Variants in GPR39 observed in about 807,000 individuals in gnomAD.
GPR39 encodes the protein G protein-coupled receptor 39.
A neutral mutation model predicts 18.4 loss-of-function variants in GPR39; 23 were observed. That is an observed-to-expected ratio of 1.25 (90% CI 0.90 to 1.77). The LOEUF (loss-of-function observed/expected upper bound fraction) is 1.77. GPR39 is among the 40% of genes most tolerant of loss of function. The pLI is 0.00. For synonymous variants in GPR39, 280 were observed against 257.9 expected (o/e 1.09, Z -0.82); for missense variants, 647 against 602.4 (o/e 1.07, Z -0.78).
At chr2:132,520,299 A>G (rs1160352361) in intron 1 of GPR39, among the ~76,000 whole-genome samples, 4 of 152,302 alleles carry the variant, frequency 2.6e-5, no homozygotes, top group Admixed American at 1.3e-4. Flanking sequence ...ATGCACATCA[A>G]TCATAATGCC....
chr2:132,549,522 C>T (rs1558835804), intron 1 of GPR39, among the ~76,000 whole-genome samples: 2 of 152,204 alleles, frequency 1.3e-5, no homozygotes, highest in Non-Finnish European at 2.9e-5. Context: ...GGCACGGTGG[C>T]TCACGCCTGT....
intron 1 of GPR39, among the ~76,000 whole-genome samples, chr2:132,473,278 G>T (rs116542710): frequency 0.019 from 2,911 of 152,200 alleles, 95 homozygotes; most frequent in African/African-American, 0.067. Context: ...CACTGATTTG[G>T]CAGGTCCTAA....
intron 1 of GPR39, among the ~76,000 whole-genome samples, chr2:132,453,965 C>A (rs1680675618): frequency 6.6e-6 from 1 of 152,130 alleles, no homozygotes; most frequent in African/African-American, 2.4e-5. Context: ...GCAATGTGGG[C>A]TCTTTTTTGG....
At chr2:132,618,945 A>G (rs1169831811) in intron 1 of GPR39, among the ~76,000 whole-genome samples, 2 of 152,208 alleles carry the variant, frequency 1.3e-5, no homozygotes, top group African/African-American at 4.8e-5. Context: ...AGTTTGTGGC[A>G]GAAATAAACG....
chr2:132,590,818 C>CGTGTGT (rs3066458), intron 1 of GPR39, among the ~76,000 whole-genome samples: 6,965 of 143,944 alleles, frequency 0.048, 183 homozygotes, highest in Middle Eastern at 0.082. Context: ...AAGTATTGTT[C>CGTGTGT]GTGTGTGTGT....
chr2:132,530,449 G>T (rs1679594105), intron 1 of GPR39, among the ~76,000 whole-genome samples: 1 of 152,166 alleles, frequency 6.6e-6, no homozygotes. Flanking sequence ...TTATCCAGGA[G>T]AACTTCCCCA....
intron 1 of GPR39, among the ~76,000 whole-genome samples, chr2:132,543,388 T>C: frequency 6.6e-6 from 1 of 152,210 alleles, no homozygotes; most frequent in East Asian, 1.9e-4. Flanking sequence ...GCAAGTCCCC[T>C]ATGCAAGTTC....
intron 1 of GPR39, among the ~76,000 whole-genome samples, chr2:132,460,146 G>T (rs1426822161): frequency 6.6e-6 from 1 of 152,184 alleles, no homozygotes; most frequent in East Asian, 1.9e-4. Flanking sequence ...CTAGCAATAT[G>T]TCTCCTCATC....
At chr2:132,501,958 G>A (rs953650927) in intron 1 of GPR39, among the ~76,000 whole-genome samples, 6 of 152,026 alleles carry the variant, frequency 3.9e-5, no homozygotes, top group African/African-American at 1.2e-4. Flanking sequence ...ACCTTAAGTT[G>A]ATGTGAGTAC....
At chr2:132,533,081 G>T (rs1408695422) in intron 1 of GPR39, among the ~76,000 whole-genome samples, 1 of 152,030 alleles carries the variant, frequency 6.6e-6, no homozygotes, top group Admixed American at 6.6e-5. Context: ...TGACATGATT[G>T]TATATCTAGA....
chr2:132,553,649 G>C (rs1680096126), intron 1 of GPR39, among the ~76,000 whole-genome samples: 1 of 152,070 alleles, frequency 6.6e-6, no homozygotes, highest in Non-Finnish European at 1.5e-5. Context: ...GGGGTGTGCA[G>C]GGGCAGGCAC....
chr2:132,606,812 G>A (rs1237372270), intron 1 of GPR39, among the ~76,000 whole-genome samples: 1 of 152,176 alleles, frequency 6.6e-6, no homozygotes, highest in Non-Finnish European at 1.5e-5. Flanking sequence ...GAGCGGGAAG[G>A]TGGTCTTCCC....
chr2:132,642,592 G>A (rs1681875643), intron 1 of GPR39, among the ~76,000 whole-genome samples: 1 of 152,200 alleles, frequency 6.6e-6, no homozygotes, highest in Non-Finnish European at 1.5e-5. Flanking sequence ...GAGGAGCAAA[G>A]ACAGGGCAGA....
chr2:132,610,926 G>C (rs1573697119), intron 1 of GPR39, among the ~76,000 whole-genome samples: 1 of 152,230 alleles, frequency 6.6e-6, no homozygotes, highest in South Asian at 2.1e-4. Flanking sequence ...AAATAGGTGT[G>C]GGACATTTCT....
At chr2:132,529,282 G>A (rs1376804592) in intron 1 of GPR39, among the ~76,000 whole-genome samples, 3 of 152,200 alleles carry the variant, frequency 2.0e-5, no homozygotes, top group African/African-American at 7.2e-5. Context: ...AGATCAAACT[G>A]CAAGGCGGCA....
In GPR39 at chr2:132,456,581, C is replaced by G. The variant is rs182660343; in HGVS notation, c.856+38683C>G. Among the ~76,000 whole-genome samples the G allele has an allele frequency of 1.5e-3, 226 of 152,300 alleles. 1 individual carries two copies. Among genetic ancestry groups the G allele is most frequent in the African/African-American group, 5.1e-3 (210 of 41,558 alleles). On this transcript the variant is annotated intron_variant, in intron 1 of 1. Coordinates refer to ENST00000329321, the MANE Select transcript of GPR39 (RefSeq NM_001508.3). ...GCAGTTTCTTCATAGCATCGATGGTCTTTTCAATTTGGCATGTTTTTGCAG... is the reference window on the plus strand; with the variant it reads ...GCAGTTTCTTCATAGCATCGATGGTGTTTTCAATTTGGCATGTTTTTGCAG...
intron 1 of GPR39, among the ~76,000 whole-genome samples, chr2:132,505,079 A>G (rs1046434944): frequency 1.3e-5 from 2 of 152,218 alleles, no homozygotes; most frequent in African/African-American, 4.8e-5. Flanking sequence ...AAGAAAGAAA[A>G]GGAATTCATT....
At chr2:132,469,469 C>T (rs1209374983) in intron 1 of GPR39, among the ~76,000 whole-genome samples, 1 of 152,204 alleles carries the variant, frequency 6.6e-6, no homozygotes, top group Non-Finnish European at 1.5e-5. Flanking sequence ...CCTTTATTGC[C>T]TCTGCAGGCC....
chr2:132,474,826 C>T (rs1681096523), intron 1 of GPR39, among the ~76,000 whole-genome samples: 1 of 152,182 alleles, frequency 6.6e-6, no homozygotes, highest in Non-Finnish European at 1.5e-5. Context: ...CAATTCCTGC[C>T]TGCAGTGGAC....
Sources: gnomAD v4.1 joint callset for allele counts (sites outside exome capture counted in the v4.1 genomes callset) on GRCh38, gnomAD v4.1.1 for gene constraint, MANE v1.5 for transcripts, NCBI Gene and HGNC (gene_info 2026-07-23, HGNC 2026-07-21) for gene names.